The following DNAH6 variants were observed in gnomAD, a reference collection of about 807,000 sequenced individuals.
DNAH6 encodes the protein axonemal beta dynein heavy chain 6.
DNAH6 carries 340 observed loss-of-function variants against 491.4 expected under a neutral mutation model. That is an observed-to-expected ratio of 0.69 (90% CI 0.63 to 0.76). The LOEUF is 0.76. Ranked by LOEUF, DNAH6 falls within the 30% of genes least tolerant of loss-of-function variation. The probability of loss-of-function intolerance (pLI) is 0.00; values close to 1 mark genes in which losing one functional copy is unlikely to be tolerated. For synonymous variants in DNAH6, 1,603 were observed against 1,686.1 expected (o/e 0.95, Z 1.21); for missense variants, 4,443 against 4,972.2 (o/e 0.89, Z 3.20).
chr2:84,512,788 A>G (rs1345339542), upstream of DNAH6, among the ~76,000 whole-genome samples: 3 of 152,048 alleles, frequency 2.0e-5, no homozygotes, highest in Non-Finnish European at 4.4e-5. Flanking sequence ...ATTTTGTTTA[A>G]TATTAGCATA....
chr2:84,726,401 C>T (rs1002930446), intron 60 of DNAH6, among the ~76,000 whole-genome samples: 5 of 152,134 alleles, frequency 3.3e-5, no homozygotes, highest in African/African-American at 1.2e-4. Context: ...CTCCTTGCCC[C>T]GTGACTTCCA....
At chr2:84,478,459 G>A in the DNAH6 span, among the ~76,000 whole-genome samples, 2 of 152,186 alleles carry the variant, frequency 1.3e-5, no homozygotes, top group Non-Finnish European at 2.9e-5. Flanking sequence ...TCCAGTGACA[G>A]TTTGTTGAAT....
chr2:84,722,198 G>C (rs1167551273), intron 59 of DNAH6, among the ~76,000 whole-genome samples: 1 of 152,156 alleles, frequency 6.6e-6, no homozygotes, highest in African/African-American at 2.4e-5. Flanking sequence ...CTGCCTCCCA[G>C]CCACTCTCTA....
chr2:84,763,011 C>A, intron 64 of DNAH6, 66 bp downstream of exon 64: 1 of 1,260,816 alleles, frequency 7.9e-7, no homozygotes, highest in Non-Finnish European at 1.1e-6. Flanking sequence ...TAAAATTTGC[C>A]TTTGTTCTTC....
Position 84,529,050 on chromosome 2 carries a change from C to A in DNAH6, c.546C>A (p.Asn182Lys), listed in dbSNP as rs1480593831. 15 of 1,551,272 alleles carry A rather than the reference C, an allele frequency of 9.7e-6. No homozygotes were observed. Among genetic ancestry groups the A allele is most frequent in the Non-Finnish European group, 1.3e-5 (15 of 1,146,768 alleles). ...ACCGAGAAGAAGTTGTTAAAGCCAA[C>A]ATTCGTGATCCCTTGCAAATCATTA... ...FHDREEVVKA[N>K]IRDPLQIIKI... Residue 182 changes from asparagine to lysine, a missense_variant, in exon 4 of 77, where the codon AAC (asparagine) becomes AAA (lysine). Around this residue, in one of 3 missense-constraint regions of DNAH6, gnomAD observed 2,977 missense variants for 3,296.6 expected, o/e 0.90. Transcript: ENST00000389394.
intron 11 of DNAH6, among the ~76,000 whole-genome samples, chr2:84,558,498 C>G (rs1464866071): frequency 6.6e-6 from 1 of 151,968 alleles, no homozygotes. Context: ...GATCCACATG[C>G]ATGTGTTTTT....
At chr2:84,672,570 AAGTACCACAG>A (rs888559908) in intron 40 of DNAH6, 86 bp downstream of exon 40, 2 of 1,249,756 alleles carry the variant, frequency 1.6e-6, no homozygotes, top group African/African-American at 3.0e-5. Context: ...TACCATAACA[AAGTACCACAG>A]ATGGGGTGGC....
At chr2:84,718,130 CAG>C (rs2104909113) in intron 58 of DNAH6, 72 bp from the exon 59 acceptor site, 3 of 1,259,500 alleles carry the variant, frequency 2.4e-6, no homozygotes, top group Middle Eastern at 1.9e-4. Context: ...CGATTACAAA[CAG>C]AGAAAGAAAA....
chr2:84,598,613 T>A (rs72941046), intron 18 of DNAH6, among the ~76,000 whole-genome samples: 6,168 of 152,266 alleles, frequency 0.041, 405 homozygotes, highest in African/African-American at 0.14. Flanking sequence ...ATTTTGGCTT[T>A]TCACTAGCAA....
chr2:84,522,661 G>A (rs775495208), intron 2 of DNAH6, among the ~76,000 whole-genome samples: 1 of 151,980 alleles, frequency 6.6e-6, no homozygotes, highest in Admixed American at 6.6e-5. Flanking sequence ...AGTTTATTGA[G>A]TGTTCAACAT....
intron 37 of DNAH6, among the ~76,000 whole-genome samples, chr2:84,662,186 C>T (rs1359075200): frequency 6.6e-6 from 1 of 152,102 alleles, no homozygotes; most frequent in Non-Finnish European, 1.5e-5. Context: ...CTCCAGTCTA[C>T]AGCTCCCAGC....
At chr2:84,579,224 G>A (rs1682775139) in intron 13 of DNAH6, among the ~76,000 whole-genome samples, 1 of 152,100 alleles carries the variant, frequency 6.6e-6, no homozygotes, top group Non-Finnish European at 1.5e-5. Context: ...GAAAGGAGTG[G>A]GACTGATGCT....
intron 18 of DNAH6, among the ~76,000 whole-genome samples, chr2:84,597,950 A>T (rs547205347): frequency 8.7e-4 from 133 of 152,204 alleles, no homozygotes; most frequent in Non-Finnish European, 1.6e-3. Context: ...GTGGGACCTG[A>T]TGTCTGCAAA....
At chr2:84,565,175 A>G (rs1681061068) in intron 11 of DNAH6, among the ~76,000 whole-genome samples, 1 of 151,896 alleles carries the variant, frequency 6.6e-6, no homozygotes, top group Non-Finnish European at 1.5e-5. Context: ...TCTCTGCCAG[A>G]TATTGGTGTC....
chr2:84,785,591 A>G lies in DNAH6; in HGVS notation c.10954-19A>G. Reference sequence around the variant, plus strand: ...TATAAAATCACTCTCTCTGCCACATATATTCTATCTAAATCCAGGTGACCA... The same window carrying G: ...TATAAAATCACTCTCTCTGCCACATGTATTCTATCTAAATCCAGGTGACCA... On this transcript the variant is annotated intron_variant, in intron 66 of 76. Transcript: ENST00000389394. 2 of 1,512,548 alleles carry G rather than the reference A, an allele frequency of 1.3e-6. No homozygotes were observed. Among genetic ancestry groups the G allele is most frequent in the Non-Finnish European group, 1.8e-6 (2 of 1,132,972 alleles). 93.7% of individuals were successfully genotyped at this position (1,512,548 alleles called of 1,614,324 possible).
the DNAH6 span, among the ~76,000 whole-genome samples, chr2:84,478,927 A>C: frequency 6.6e-6 from 1 of 152,074 alleles, no homozygotes; most frequent in South Asian, 2.1e-4. Context: ...AAGCAGATGG[A>C]GCAGGAAGGT....
At chr2:84,590,633 C>T (rs1684030369) in intron 16 of DNAH6, among the ~76,000 whole-genome samples, 1 of 152,052 alleles carries the variant, frequency 6.6e-6, no homozygotes, top group African/African-American at 2.4e-5. Context: ...CACACTGACT[C>T]AACAACCCCT....
chr2:84,558,784 G>A (rs58875008), intron 11 of DNAH6, among the ~76,000 whole-genome samples: 1,695 of 152,208 alleles, frequency 0.011, 28 homozygotes, highest in African/African-American at 0.037. Context: ...TGAGGTGATC[G>A]ATGTGAGAAG....
intron 19 of DNAH6, among the ~76,000 whole-genome samples, 154 bp from the exon 20 acceptor site, chr2:84,605,346 C>G (rs1179915923): frequency 1.2e-5 from 1 of 82,532 alleles, no homozygotes; most frequent in Non-Finnish European, 2.1e-5. Context: ...GAGTGAGACT[C>G]TATCTCAAAA....
Sources: gnomAD v4.1 joint callset for allele counts (sites outside exome capture counted in the v4.1 genomes callset) on GRCh38, gnomAD v4.1.1 for gene constraint, gnomAD v4.1.1 regional missense constraint, MANE v1.5 for transcripts, NCBI Gene and HGNC (gene_info 2026-07-23, HGNC 2026-07-21) for gene names.